FRMPD4: variants seen among roughly 807,000 people sequenced by gnomAD.
FRMPD4 encodes the protein FERM and PDZ domain containing 4.
In FRMPD4, 22 loss-of-function variants were observed where a neutral mutation model predicts 94.1. The ratio of observed to expected loss-of-function variants is 0.23; its 90% CI spans 0.17 to 0.33. The LOEUF (loss-of-function observed/expected upper bound fraction) is 0.33, where lower values mean the gene tolerates loss of function less well. Among genes scored for constraint, FRMPD4 ranks in the 10% least tolerant of loss-of-function variants. FRMPD4 has a pLI of 1.00. For synonymous variants in FRMPD4, 631 were observed against 548.6 expected (o/e 1.15, Z -2.10); for missense variants, 1,111 against 1,339.9 (o/e 0.83, Z 2.67).
At chrX:11,842,016 A>G (rs2053540167) in intron 1 of FRMPD4, among the ~76,000 whole-genome samples, 1 of 110,605 alleles carries the variant, frequency 9.0e-6, no homozygotes, top group South Asian at 3.8e-4. Context: ...TCCTTTCCCC[A>G]TTGCTTGTTT....
intron 1 of FRMPD4, among the ~76,000 whole-genome samples, chrX:12,467,278 C>G (rs1333856421): frequency 9.0e-6 from 1 of 110,926 alleles, no homozygotes; most frequent in Non-Finnish European, 1.9e-5. Context: ...TCCATTGTAT[C>G]AGGTCAACTT....
intron 2 of FRMPD4, among the ~76,000 whole-genome samples, chrX:11,868,766 GTT>G (rs1348349032): frequency 8.9e-6 from 1 of 112,395 alleles, no homozygotes; most frequent in Non-Finnish European, 1.9e-5. Flanking sequence ...TTGCATCAGG[GTT>G]TGGTAAACCA....
At chrX:12,199,267 G>GTGTGTGTGTGTGTA (rs59345526) in intron 1 of FRMPD4, among the ~76,000 whole-genome samples, 1 of 99,845 alleles carries the variant, frequency 1.0e-5, no homozygotes, top group African/African-American at 4.1e-5. Context: ...GTGTGTGTGT[G>GTGTGTGTGTGTGTA]TGTATGTGTG....
At chrX:12,250,670 A>G (rs892396813) in intron 1 of FRMPD4, among the ~76,000 whole-genome samples, 1 of 112,090 alleles carries the variant, frequency 8.9e-6, no homozygotes, top group Non-Finnish European at 1.9e-5. Context: ...TACTCTAGGG[A>G]AATAAAAATT....
chrX:12,602,247 C>T (rs1311833809), intron 2 of FRMPD4, among the ~76,000 whole-genome samples: 1 of 111,373 alleles, frequency 9.0e-6, no homozygotes, highest in Admixed American at 9.6e-5. Context: ...GAAATTCTTG[C>T]TCTGAGGAAC....
intron 3 of FRMPD4, among the ~76,000 whole-genome samples, chrX:11,916,160 T>C: frequency 9.0e-6 from 1 of 110,815 alleles, no homozygotes; most frequent in South Asian, 3.9e-4. Context: ...GAACAGCTTA[T>C]GCAAGGGCAT....
intron 1 of FRMPD4, among the ~76,000 whole-genome samples, chrX:12,442,527 A>G (rs2057149448): frequency 8.9e-6 from 1 of 112,184 alleles, no homozygotes; most frequent in African/African-American, 3.2e-5. Flanking sequence ...AAACCATAAG[A>G]TACCACTTTA....
chrX:11,884,343 G>A (rs1232602843), intron 3 of FRMPD4, among the ~76,000 whole-genome samples: 3 of 111,771 alleles, frequency 2.7e-5, no homozygotes, highest in African/African-American at 9.8e-5. Flanking sequence ...GGGGATAGAC[G>A]TCTCTGCTAT....
In FRMPD4 at chrX:12,710,470, G is replaced by C; in HGVS notation, c.1542G>C (p.Leu514=). ...GCTTGACGGCTGGATACTACCGGCT[G>C]CTTGTTGATTCCAGGAGGTCGATAT... ...LACLTAGYYR[L]LVDSRRSIFN... Residue 514 remains leucine (L), a synonymous_variant, in exon 14 of 17, where the codon CTG becomes CTC. Transcript: ENST00000675598. 8.3e-7 allele frequency: 1 copy of C among 1,201,902 alleles called. No homozygotes were observed. The highest frequency in any genetic ancestry group is 1.1e-6 in the Non-Finnish European group (1 of 886,866).
chrX:12,584,526 C>G (rs2058903257), intron 2 of FRMPD4, among the ~76,000 whole-genome samples: 2 of 111,502 alleles, frequency 1.8e-5, no homozygotes, highest in South Asian at 7.5e-4. Flanking sequence ...GGTTTGGAAG[C>G]CCTAGCCCAC....
chrX:12,205,618 T>C (rs1325865160), intron 1 of FRMPD4, among the ~76,000 whole-genome samples: 1 of 112,048 alleles, frequency 8.9e-6, no homozygotes, highest in Non-Finnish European at 1.9e-5. Flanking sequence ...CCAAAAGCTC[T>C]TTTAAGATGA....
chrX:12,031,827 T>A (rs1477001529), intron 3 of FRMPD4, among the ~76,000 whole-genome samples: 1 of 112,111 alleles, frequency 8.9e-6, no homozygotes, highest in Non-Finnish European at 1.9e-5. Context: ...TCAGAGGGAC[T>A]TCTTAAGAGA....
intron 1 of FRMPD4, among the ~76,000 whole-genome samples, chrX:12,219,054 G>C (rs1449128426): frequency 8.9e-6 from 1 of 112,133 alleles, no homozygotes; most frequent in African/African-American, 3.2e-5. Context: ...TAAGTCTCCT[G>C]TGTCTCAATC....
At chrX:12,219,052 C>T (rs1171171144) in intron 1 of FRMPD4, among the ~76,000 whole-genome samples, 1 of 111,921 alleles carries the variant, frequency 8.9e-6, no homozygotes, top group Non-Finnish European at 1.9e-5. Context: ...TCTAAGTCTC[C>T]TGTGTCTCAA....
chrX:12,388,173 G>A (rs2056423168), intron 1 of FRMPD4, among the ~76,000 whole-genome samples: 1 of 111,087 alleles, frequency 9.0e-6, no homozygotes, highest in South Asian at 3.8e-4. Flanking sequence ...AAAAGTGTTA[G>A]TTACAAGGGT....
chrX:12,128,875 G>A (rs2055523575), intron 3 of FRMPD4, among the ~76,000 whole-genome samples: 1 of 111,979 alleles, frequency 8.9e-6, no homozygotes, highest in South Asian at 3.8e-4. Context: ...AATGCTGCCA[G>A]TTTCTTTGCT....
intron 3 of FRMPD4, among the ~76,000 whole-genome samples, chrX:11,985,272 G>A (rs1601870374): frequency 9.0e-6 from 1 of 111,667 alleles, no homozygotes; most frequent in East Asian, 2.8e-4. Context: ...CCTAGTTCCT[G>A]GACAACATTT....
In FRMPD4 at chrX:12,562,214, G is replaced by A. The variant is rs780234365; in HGVS notation, c.159-47507G>A. 3.5e-4 allele frequency among the ~76,000 whole-genome samples: 39 copies of A among 112,749 alleles called. No homozygotes were observed. In the South Asian group the frequency reaches 0.014, roughly 41 times the overall value. On this transcript the variant is annotated intron_variant, in intron 2 of 16. Transcript: ENST00000675598. ...GGTTGGGTATTCCCCAGAGAGGTTT[G>A]AAAATAAATCATATTCTTTCTGTAA...
intron 3 of FRMPD4, among the ~76,000 whole-genome samples, chrX:11,952,120 A>T (rs1379950638): frequency 8.9e-6 from 1 of 112,694 alleles, no homozygotes; most frequent in Non-Finnish European, 1.9e-5. Context: ...AGTGGTGTTT[A>T]GTGTGTTCAC....
Sources: allele counts gnomAD v4.1 joint callset (sites outside exome capture counted in the v4.1 genomes callset), GRCh38; gene constraint gnomAD v4.1.1; transcripts MANE v1.5; gene names NCBI Gene and HGNC (gene_info 2026-07-23, HGNC 2026-07-21).